The following DIS3L variants were observed in gnomAD, a reference collection of about 807,000 sequenced individuals.
DIS3L encodes DIS3-like exonuclease 1.
Under a neutral mutation model 120.3 loss-of-function variants are expected in DIS3L, and 100 were observed. That is an observed-to-expected ratio of 0.83 (90% CI 0.71 to 0.98). The LOEUF is 0.98. DIS3L is among the 50% of genes least tolerant of loss of function. DIS3L has a pLI of 0.00. For synonymous variants in DIS3L, 426 were observed against 470.6 expected, an observed-to-expected ratio of 0.91 and a Z score of 1.23; for missense variants, 1,196 against 1,314.2, an observed-to-expected ratio of 0.91 and a Z score of 1.39.
Position 66,311,888 on chromosome 15 carries a change from A to G in DIS3L, c.723A>G (p.Gly241=). ...LEVLEAGIKS[G]RYIQGILNVN... ...TGTTAGAAGCTGGGATTAAATCTGG[A>G]CGCTATATCCAGGTGAGGGTGGTAA... The change falls in exon 5 of 17, where the codon GGA becomes GGG. Residue 241 remains glycine (G), a synonymous_variant. Coordinates refer to ENST00000319212, the MANE Select transcript of DIS3L (RefSeq NM_001143688.3). 6.2e-7 allele frequency: 1 copy of G among 1,614,014 alleles called. No individual in the cohort carries two copies. The highest frequency in any genetic ancestry group is 1.3e-5 in the African/African-American group (1 of 75,022).
At chr15:66,308,876 T>C in intron 4 of DIS3L, 32 bp downstream of exon 4, 5 of 1,593,678 alleles carry the variant, frequency 3.1e-6, no homozygotes, top group Non-Finnish European at 3.4e-6. Flanking sequence ...GTATGAGTGC[T>C]CATTTTCTAA....
chr15:66,321,723 A>G (rs969348286), intron 9 of DIS3L, among the ~76,000 whole-genome samples: 17 of 150,238 alleles, frequency 1.1e-4, no homozygotes, highest in African/African-American at 4.2e-4. Context: ...CCGAGATCGC[A>G]CCGCTGCACT....
intron 1 of DIS3L, 28 bp downstream of exon 1, chr15:66,293,763 G>A (rs2140306715): frequency 2.6e-6 from 3 of 1,169,452 alleles, no homozygotes; most frequent in South Asian, 8.4e-5. Context: ...GGCGGGGACG[G>A]GGCCGGCGGG....
At chr15:66,327,096 A>G (rs2092946941) in intron 12 of DIS3L, among the ~76,000 whole-genome samples, 1 of 148,030 alleles carries the variant, frequency 6.8e-6, no homozygotes, top group African/African-American at 2.5e-5. Context: ...CGCCTGGCTA[A>G]TTTTTGTATT....
In DIS3L at chr15:66,314,116, A is replaced by G. The variant is rs1487999043; in HGVS notation, c.813A>G (p.Ser271=). The G allele has an allele frequency of 1.3e-6, 2 of 1,507,572 alleles. No homozygotes were observed. Among genetic ancestry groups the G allele is most frequent in the Non-Finnish European group, 1.8e-6 (2 of 1,134,820 alleles). 93.4% of individuals were successfully genotyped at this position (1,507,572 alleles called of 1,614,324 possible). The part of the protein sequence containing the change: ...VRLQGASSKD[S]DLVSDILIHG... ...TTCAAGGAGCCAGCAGTAAAGATTC[A>G]GGTTCAGTATAAACCTTACATAAAT... Residue 271 remains serine, a splice_region_variant and synonymous_variant, in exon 6 of 17, where the codon TCA becomes TCG. Transcript: ENST00000319212.
intron 10 of DIS3L, 124 bp from the exon 11 acceptor site, chr15:66,323,369 A>G: frequency 1.1e-6 from 1 of 912,312 alleles, no homozygotes; most frequent in Non-Finnish European, 1.7e-6. Flanking sequence ...CACTTTATGA[A>G]ACAGCAACAG....
intron 2 of DIS3L, among the ~76,000 whole-genome samples, chr15:66,302,739 G>A (rs1306789077): frequency 6.6e-6 from 1 of 152,106 alleles, no homozygotes; most frequent in African/African-American, 2.4e-5. Flanking sequence ...CTCCTTTCAA[G>A]CACTTATCCC....
chr15:66,320,256 C>T (rs2092867014), intron 8 of DIS3L, among the ~76,000 whole-genome samples: 1 of 152,126 alleles, frequency 6.6e-6, no homozygotes, highest in Non-Finnish European at 1.5e-5. Context: ...GTGTTGCAAG[C>T]GTTAACTAGA....
At chr15:66,327,539 C>T (rs1015570570) in intron 12 of DIS3L, among the ~76,000 whole-genome samples, 1 of 151,810 alleles carries the variant, frequency 6.6e-6, no homozygotes. Context: ...GGGCAGATCA[C>T]GAGGTCAGGA....
chr15:66,293,549 T>A (rs2092544928), upstream of DIS3L: 1 of 1,371,230 alleles, frequency 7.3e-7, no homozygotes, highest in Admixed American at 2.9e-5. Flanking sequence ...GCCGCGGCCT[T>A]GCCTCCGCCG....
intron 1 of DIS3L, chr15:66,294,027 A>AG (rs1595705703): frequency 5.1e-6 from 5 of 987,588 alleles, no homozygotes; most frequent in African/African-American, 1.7e-5. Flanking sequence ...GGCTCCTCAG[A>AG]GGGGCCTGAG....
At chr15:66,312,875 C>A (rs1019236930) in intron 5 of DIS3L, among the ~76,000 whole-genome samples, 1 of 152,122 alleles carries the variant, frequency 6.6e-6, no homozygotes, top group African/African-American at 2.4e-5. Flanking sequence ...CAAAGCCACT[C>A]CCTAAAAGTG....
intron 2 of DIS3L, among the ~76,000 whole-genome samples, chr15:66,305,415 A>T (rs1191170358): frequency 6.6e-6 from 1 of 152,072 alleles, no homozygotes; most frequent in Non-Finnish European, 1.5e-5. Flanking sequence ...CAACGAAAAG[A>T]CTCAATTTTT....
chr15:66,330,983 C>T (rs966975845), intron 14 of DIS3L, among the ~76,000 whole-genome samples: 1 of 151,950 alleles, frequency 6.6e-6, no homozygotes, highest in Admixed American at 6.6e-5. Context: ...GGTGAAACCC[C>T]GTTACTACTA....
chr15:66,318,442 G>T lies in DIS3L; in HGVS notation c.995-7G>T. The T allele has an allele frequency of 6.2e-7, 1 of 1,611,708 alleles. No homozygotes were observed. Among genetic ancestry groups the T allele is most frequent in the Non-Finnish European group, 8.5e-7 (1 of 1,178,736 alleles). ...TTAATGCCTTGTTTTGTTTTGTTTT[G>T]CCAAAGGTCGAGTGGTGGGCATACT... On this transcript the variant is annotated splice_region_variant and splice_polypyrimidine_tract_variant and intron_variant, in intron 7 of 16. Coordinates refer to ENST00000319212, the MANE Select transcript of DIS3L (RefSeq NM_001143688.3).
At chr15:66,299,275 G>C (rs528680695) in intron 2 of DIS3L, among the ~76,000 whole-genome samples, 5 of 152,152 alleles carry the variant, frequency 3.3e-5, no homozygotes, top group African/African-American at 1.2e-4. Context: ...ACTCAGCGGT[G>C]GTTCACACTT....
chr15:66,323,433 A>G, intron 10 of DIS3L, 60 bp from the exon 11 acceptor site: 1 of 1,554,522 alleles, frequency 6.4e-7, no homozygotes, highest in Non-Finnish European at 8.9e-7. Flanking sequence ...CGGCCCACAC[A>G]GTCAGCAGTT....
Position 66,333,212 on chromosome 15 carries a change from A to G in DIS3L, c.3065A>G (p.Tyr1022Cys). The G allele has an allele frequency of 6.2e-7, 1 of 1,614,166 alleles. No individual in the cohort carries two copies. The highest frequency in any genetic ancestry group is 8.5e-7 in the Non-Finnish European group (1 of 1,180,038). Residue 1022 changes from tyrosine to cysteine, a missense_variant, in exon 17 of 17, where the codon TAT (tyrosine) becomes TGT (cysteine). By Grantham distance (194) the Tyr-to-Cys change is radical. Transcript: ENST00000319212. Reference protein sequence around the residue: ...EVKVNIIQEEYQEYRQTKGRS... With the variant: ...EVKVNIIQEECQEYRQTKGRS... ...AAAGTAAACATCATTCAGGAGGAAT[A>G]TCAAGAATATCGCCAAACAAAGGGA...
In DIS3L at chr15:66,320,576, C is replaced by G; in HGVS notation, c.1170C>G (p.Phe390Leu). 1.9e-6 allele frequency: 3 copies of G among 1,613,122 alleles called. No individual in the cohort carries two copies. Among genetic ancestry groups the G allele is most frequent in the Non-Finnish European group, 2.5e-6 (3 of 1,179,648 alleles). The stretch of plus-strand genomic sequence containing the variant: ...TATTTTTTCCTTTTGTGCAGGACTT[C>G]AGGGTGGTCGTGCGCATCGATTCCT... ...STQQAETLQD[F>L]RVVVRIDSWE... Residue 390 changes from phenylalanine to leucine, a missense_variant, in exon 9 of 17, where the codon TTC becomes TTG. Physicochemically the swap from Phe to Leu is conservative, Grantham distance 22 (BLOSUM62 0). Coordinates refer to ENST00000319212, the MANE Select transcript of DIS3L (RefSeq NM_001143688.3).
Sources: gnomAD v4.1 joint callset for allele counts (sites outside exome capture counted in the v4.1 genomes callset) on GRCh38, gnomAD v4.1.1 for gene constraint, MANE v1.5 for transcripts, NCBI Gene and HGNC (gene_info 2026-07-23, HGNC 2026-07-21) for gene names.